The following PAH variants were observed in gnomAD, a reference collection of about 807,000 sequenced individuals.
PAH encodes the protein phenylalanine hydroxylase.
Under a neutral mutation model 62.0 loss-of-function variants are expected in PAH, and 64 were observed. That is an observed-to-expected ratio of 1.03 (90% CI 0.84 to 1.27). The LOEUF is 1.27. PAH is among the 50% of genes most tolerant of loss of function. PAH has a pLI of 0.00. For missense variants in PAH, 579 were observed against 542.8 expected (o/e 1.07, Z -0.66); for synonymous variants, 195 against 196.2 (o/e 0.99, Z 0.05).
intron 5 of PAH, among the ~76,000 whole-genome samples, chr12:102,864,130 A>G (rs948799781): frequency 9.2e-5 from 14 of 152,184 alleles, no homozygotes; most frequent in African/African-American, 2.7e-4. Flanking sequence ...ACTCCGTTAG[A>G]TGATGACAAA....
chr12:102,865,442 G>T (rs1484867249), intron 5 of PAH, among the ~76,000 whole-genome samples: 2 of 152,150 alleles, frequency 1.3e-5, no homozygotes, highest in Non-Finnish European at 2.9e-5. Context: ...AGAAAAATGA[G>T]AAGTTATTAT....
chr12:102,899,668 G>T (rs1471142277), intron 2 of PAH, among the ~76,000 whole-genome samples: 1 of 150,772 alleles, frequency 6.6e-6, no homozygotes, highest in East Asian at 2.0e-4. Context: ...GACCATCCCA[G>T]CTAAAACGGT....
intron 3 of PAH, among the ~76,000 whole-genome samples, chr12:102,891,641 T>G (rs888603726): frequency 1.3e-5 from 2 of 152,214 alleles, no homozygotes; most frequent in Admixed American, 1.3e-4. Flanking sequence ...GTGACTCCCC[T>G]TTGATACAGT....
intron 5 of PAH, among the ~76,000 whole-genome samples, chr12:102,858,275 A>C (rs1290951093): frequency 3.3e-5 from 5 of 152,232 alleles, no homozygotes; most frequent in African/African-American, 7.2e-5. Context: ...AGAAGAGCTA[A>C]CTATCCTAAA....
chr12:102,846,923 G>T lies in PAH; in HGVS notation c.941C>A (p.Pro314His), dbSNP rs62642940. The stretch of plus-strand genomic sequence containing the variant: ...GGCGAGCTTTTCAATGTATTCATCA[G>T]GTGCACCCAGAGAGGCAAGGCCAAT... ...QEIGLASLGA[P>H]DEYIEKLATI... The change falls in exon 9 of 13, where the codon CCT becomes CAT. Residue 314 changes from proline (P) to histidine (H), a missense_variant. Physicochemically the swap from Pro to His is moderately conservative, Grantham distance 77. Coordinates refer to ENST00000553106, the MANE Select transcript of PAH (RefSeq NM_000277.3). 4.3e-6 allele frequency: 7 copies of T among 1,613,600 alleles called. No individual in the cohort carries two copies. The highest frequency in any genetic ancestry group is 5.9e-6 in the Non-Finnish European group (7 of 1,179,708).
At chr12:102,854,717 CAG>C in intron 6 of PAH, 1 of 285,696 alleles carries the variant, frequency 3.5e-6, no homozygotes, top group Non-Finnish European at 6.7e-6. Flanking sequence ...TGCACAGACT[CAG>C]AGCTCAGGGC....
intron 4 of PAH, among the ~76,000 whole-genome samples, chr12:102,872,081 T>C (rs1409056388): frequency 2.0e-5 from 3 of 151,648 alleles, no homozygotes; most frequent in African/African-American, 7.3e-5. Flanking sequence ...AGGGGACATA[T>C]ATTTACTACT....
At chr12:102,866,263 A>C (rs1385672985) in intron 5 of PAH, among the ~76,000 whole-genome samples, 6 of 152,112 alleles carry the variant, frequency 3.9e-5, no homozygotes, top group African/African-American at 1.4e-4. Flanking sequence ...TGTAGAGAAG[A>C]CCGGAGGCTG....
intron 2 of PAH, among the ~76,000 whole-genome samples, chr12:102,909,954 G>C (rs1282888438): frequency 1.3e-5 from 2 of 152,182 alleles, no homozygotes; most frequent in African/African-American, 2.4e-5. Context: ...GTAAGACTCT[G>C]TCTCAAAAAA....
chr12:102,948,572 A>G (rs2136772968), intron 1 of PAH, among the ~76,000 whole-genome samples: 1 of 152,306 alleles, frequency 6.6e-6, no homozygotes, highest in South Asian at 2.1e-4. Context: ...CATCTTTGTA[A>G]TAACTTACTG....
At chr12:102,939,534 C>T (rs1225519313) in intron 1 of PAH, among the ~76,000 whole-genome samples, 2 of 152,154 alleles carry the variant, frequency 1.3e-5, no homozygotes, top group Non-Finnish European at 2.9e-5. Context: ...GGTACCTGCC[C>T]TTGCTGCTCT....
chr12:102,907,674 A>G (rs1227900264), intron 2 of PAH, among the ~76,000 whole-genome samples: 1 of 151,482 alleles, frequency 6.6e-6, no homozygotes, highest in Non-Finnish European at 1.5e-5. Flanking sequence ...GCTGGAGTGC[A>G]GTGGGGTGAT....
chr12:102,950,470 T>C (rs1879702803), intron 1 of PAH: 1 of 152,294 alleles, frequency 6.6e-6, no homozygotes, highest in Admixed American at 6.5e-5. Context: ...GCCACGAAGC[T>C]GATTTATAGG....
At chr12:102,857,492 G>T (rs1339895896) in intron 5 of PAH, among the ~76,000 whole-genome samples, 1 of 152,046 alleles carries the variant, frequency 6.6e-6, no homozygotes, top group South Asian at 2.1e-4. Flanking sequence ...GATACTCCTC[G>T]AGAAGAGCAA....
intron 1 of PAH, 85 bp from the exon 2 acceptor site, chr12:102,912,983 T>G: frequency 1.2e-6 from 1 of 865,866 alleles, no homozygotes; most frequent in South Asian, 1.3e-5. Context: ...AAAGCAAGCA[T>G]GAACTCTTTC....
At chr12:102,859,511 G>A (rs142733981) in intron 5 of PAH, among the ~76,000 whole-genome samples, 2,422 of 152,248 alleles carry the variant, frequency 0.016, 63 homozygotes, top group African/African-American at 0.055. Context: ...GCCTGGCAGA[G>A]ACACAACAAA....
intron 2 of PAH, among the ~76,000 whole-genome samples, chr12:102,898,161 G>T (rs1225237514): frequency 1.3e-5 from 2 of 152,184 alleles, no homozygotes; most frequent in Non-Finnish European, 2.9e-5. Flanking sequence ...GCAAAGAGCT[G>T]GGAAGCTGCT....
chr12:102,889,700 G>C (rs1877199045), intron 3 of PAH, among the ~76,000 whole-genome samples: 1 of 152,104 alleles, frequency 6.6e-6, no homozygotes, highest in South Asian at 2.1e-4. Flanking sequence ...ATATTTATCT[G>C]CTCTTGGAAA....
chr12:102,949,141 C>T (rs926012525), intron 1 of PAH, among the ~76,000 whole-genome samples: 5 of 152,106 alleles, frequency 3.3e-5, no homozygotes, highest in Non-Finnish European at 7.4e-5. Context: ...CCAAGCAATG[C>T]TGTCGGCGAC....
Sources: gnomAD v4.1 joint callset for allele counts (sites outside exome capture counted in the v4.1 genomes callset) on GRCh38, gnomAD v4.1.1 for gene constraint, MANE v1.5 for transcripts, NCBI Gene and HGNC (gene_info 2026-07-23, HGNC 2026-07-21) for gene names.